The following HIPK2 variants were observed in gnomAD, a reference collection of about 807,000 sequenced individuals.
The protein encoded by HIPK2 is homeodomain-interacting protein kinase 2.
A neutral mutation model predicts 113.7 loss-of-function variants in HIPK2; 27 were observed. The ratio of observed to expected loss-of-function variants is 0.24; its 90% confidence interval spans 0.17 to 0.33. The LOEUF (loss-of-function observed/expected upper bound fraction) is 0.33. Among genes scored for constraint, HIPK2 ranks in the 10% least tolerant of loss-of-function variants. The pLI, the probability that HIPK2 is intolerant of heterozygous loss-of-function variation, is 1.00. For synonymous variants in HIPK2, 631 were observed against 642.2 expected, an observed-to-expected ratio of 0.98 and a Z score of 0.26; for missense variants, 1,257 against 1,588.0, an observed-to-expected ratio of 0.79 and a Z score of 3.54.
In HIPK2 at chr7:139,580,182, C is replaced by T. The variant is rs185280924; in HGVS notation, c.2965+3635G>A. On this transcript the variant is annotated intron_variant, in intron 13 of 14. Coordinates refer to ENST00000406875, the MANE Select transcript of HIPK2 (RefSeq NM_022740.5). ...GCGGGTCACAGACTGTGCTGGGCCC[C>T]GCTGTGCATGTCACCTACTTCTTCT... 3.2e-3 allele frequency among the ~76,000 whole-genome samples: 485 copies of T among 152,302 alleles called. 2 individuals carry two copies. The highest frequency in any genetic ancestry group is 5.1e-3 in the Non-Finnish European group (346 of 68,026).
At position 139,613,057 on chromosome 7, in the gene HIPK2, C is replaced by T; in HGVS notation, c.2112+145G>A. The T allele has an allele frequency of 6.5e-6, 6 of 922,260 alleles. No homozygotes were observed. The highest frequency in any genetic ancestry group is 9.3e-6 in the Non-Finnish European group (6 of 647,888). 57.1% of individuals were successfully genotyped at this position (922,260 alleles called of 1,614,324 possible). A position where few individuals can be genotyped will look rare whatever the true frequency, so the allele number is the denominator to read the frequency against. ...TTAGGAAGGTAATTCACTTGGGGAC[C>T]ATTTAGAATATTACAGATACATTCC... On this transcript the variant is annotated intron_variant, in intron 9 of 14. Transcript: ENST00000406875. The surrounding 1 kb of genome is among the most constrained non-coding windows in gnomAD (Gnocchi z 4.2).
At chr7:139,776,159 A>G (rs1796739264) in intron 1 of HIPK2, among the ~76,000 whole-genome samples, 1 of 152,160 alleles carries the variant, frequency 6.6e-6, no homozygotes, top group Admixed American at 6.5e-5. Flanking sequence ...TGGTGGAGTG[A>G]TCAGAAATTT....
At chr7:139,622,859 T>A (rs1382578693) in intron 6 of HIPK2, among the ~76,000 whole-genome samples, 5 of 152,172 alleles carry the variant, frequency 3.3e-5, no homozygotes, top group Admixed American at 6.5e-5. Flanking sequence ...GGGTCCCAGA[T>A]GAAGTTCTGA....
intron 9 of HIPK2, among the ~76,000 whole-genome samples, chr7:139,608,252 C>CAT (rs142420444): frequency 1.5e-5 from 2 of 136,964 alleles, no homozygotes; most frequent in African/African-American, 2.7e-5. Flanking sequence ...CAAAAAAATA[C>CAT]GTGTGTGTGT....
chr7:139,715,745 G>A (rs565158903), intron 2 of HIPK2, 187 bp downstream of exon 2: 178 of 473,360 alleles, frequency 3.8e-4, no homozygotes, highest in African/African-American at 3.0e-3. Context: ...ACCTGGCTCC[G>A]TTCTAATGTG....
chr7:139,622,944 A>G (rs1201239578), intron 6 of HIPK2, among the ~76,000 whole-genome samples: 2 of 152,182 alleles, frequency 1.3e-5, no homozygotes, highest in African/African-American at 4.8e-5. Context: ...TACAGAACCC[A>G]GAGGTGGAAG....
intron 2 of HIPK2, among the ~76,000 whole-genome samples, chr7:139,677,694 T>G (rs568086112): frequency 2.0e-5 from 3 of 152,194 alleles, no homozygotes; most frequent in African/African-American, 7.2e-5. Flanking sequence ...TTATCTACAT[T>G]AGGTATTTCC....
intron 2 of HIPK2, 111 bp downstream of exon 2, chr7:139,715,821 G>A (rs1287233776): frequency 4.3e-6 from 6 of 1,406,580 alleles, no homozygotes; most frequent in Admixed American, 4.8e-5. Context: ...TCACTTGAAG[G>A]CAGGAACTGT....
chr7:139,573,039 T>C lies in HIPK2; in HGVS notation c.3485A>G (p.Gln1162Arg). The part of the protein sequence containing the change: ...VLPSPTIHPS[Q>R]YPAQFAHQTY... ...CTGGTGGGCAAATTGGGCTGGATACTGACTCGGGTGGATGGTGGGCGAGGG... is the reference window on the plus strand; with the variant it reads ...CTGGTGGGCAAATTGGGCTGGATACCGACTCGGGTGGATGGTGGGCGAGGG... Residue 1162 changes from glutamine (Q) to arginine (R), a missense_variant, in exon 15 of 15, where the codon CAG (glutamine) becomes CGG (arginine). By Grantham distance (43) the Gln-to-Arg change is conservative. Transcript: ENST00000406875. 1.2e-6 allele frequency: 2 copies of C among 1,612,448 alleles called. No individual in the cohort carries two copies. The highest frequency in any genetic ancestry group is 2.2e-5 in the East Asian group (1 of 44,830).
chr7:139,567,291 C>G lies in HIPK2; in HGVS notation c.*5636G>C, dbSNP rs553808619. ...TCTCCCATGGTGGCCTGGGATTAGT[C>G]AAGCCCACGTATTGGTATGGCACCT... On this transcript the variant is annotated 3_prime_UTR_variant, in exon 15 of 15. Transcript: ENST00000406875. The G allele has an allele frequency of 3.3e-5, 5 of 152,292 alleles. No individual in the cohort carries two copies. Among genetic ancestry groups the G allele is most frequent in the Middle Eastern group, 3.4e-3 (1 of 294 alleles). 9.4% of individuals were successfully genotyped at this position (152,292 alleles called of 1,614,324 possible).
chr7:139,692,761 G>C (rs1161105903), intron 2 of HIPK2, among the ~76,000 whole-genome samples: 2 of 152,172 alleles, frequency 1.3e-5, no homozygotes, highest in Non-Finnish European at 2.9e-5. Flanking sequence ...AATTTCGTCA[G>C]TACCCATTAT....
intron 2 of HIPK2, among the ~76,000 whole-genome samples, chr7:139,702,359 C>G (rs1794734390): frequency 6.6e-6 from 1 of 152,220 alleles, no homozygotes; most frequent in Non-Finnish European, 1.5e-5. Context: ...GGGAAGCATC[C>G]TGGCTCTGAG....
intron 2 of HIPK2, among the ~76,000 whole-genome samples, chr7:139,642,280 G>C (rs1041762056): frequency 6.6e-6 from 1 of 152,224 alleles, no homozygotes; most frequent in African/African-American, 2.4e-5. Context: ...GCCGCTGTTT[G>C]AGCTGGTGAC....
intron 2 of HIPK2, among the ~76,000 whole-genome samples, chr7:139,657,966 T>C (rs1801731143): frequency 6.6e-6 from 1 of 152,154 alleles, no homozygotes; most frequent in Non-Finnish European, 1.5e-5. Context: ...CACATGACCT[T>C]GTCACTATCT....
At chr7:139,624,492 C>G (rs917978130) in intron 6 of HIPK2, among the ~76,000 whole-genome samples, 4 of 152,178 alleles carry the variant, frequency 2.6e-5, no homozygotes, top group Admixed American at 2.6e-4. Context: ...TGTTCTCAAC[C>G]CAGTACAGCC....
In HIPK2 at chr7:139,716,640, T is replaced by C; in HGVS notation, c.395A>G (p.Lys132Arg). ...LLDTYQKCGL[K>R]RKSEEIENTS... ...GTTCTCGATCTCCTCGCTCTTACGC[T>C]TGAGTCCACATTTTTGGTAGGTATC... The change falls in exon 2 of 15, where the codon AAG (lysine) becomes AGG (arginine). Residue 132 changes from lysine (K) to arginine (R), a missense_variant. Transcript: ENST00000406875. The surrounding 1 kb of genome is among the most constrained non-coding windows in gnomAD (Gnocchi z 9.3). 1.2e-6 allele frequency: 2 copies of C among 1,614,006 alleles called. No homozygotes were observed. Among genetic ancestry groups the C allele is most frequent in the Non-Finnish European group, 1.7e-6 (2 of 1,179,898 alleles).
At chr7:139,708,406 G>A (rs954835627) in intron 2 of HIPK2, among the ~76,000 whole-genome samples, 45 of 152,110 alleles carry the variant, frequency 3.0e-4, no homozygotes, top group African/African-American at 1.0e-3. Flanking sequence ...TGCAGAGCTT[G>A]TCCAAATGCA....
intron 1 of HIPK2, among the ~76,000 whole-genome samples, chr7:139,754,927 G>C (rs1362840889): frequency 6.6e-6 from 1 of 152,150 alleles, no homozygotes; most frequent in Non-Finnish European, 1.5e-5. Flanking sequence ...AGCCTGGATG[G>C]TTCATACGGA....
intron 2 of HIPK2, among the ~76,000 whole-genome samples, chr7:139,679,480 C>T (rs577241686): frequency 1.3e-5 from 2 of 152,188 alleles, no homozygotes; most frequent in Non-Finnish European, 2.9e-5. Context: ...TTAGGAATTG[C>T]ATTAGGAACA....
Sources: gnomAD v4.1 joint callset for allele counts (sites outside exome capture counted in the v4.1 genomes callset) on GRCh38, gnomAD v4.1.1 for gene constraint, Gnocchi (gnomAD v3.1) non-coding constraint, MANE v1.5 for transcripts, NCBI Gene and HGNC (gene_info 2026-07-23, HGNC 2026-07-21) for gene names.